The following TASP1 variants were observed in gnomAD, a reference collection of about 807,000 sequenced individuals.
The protein encoded by TASP1 is threonine aspartase 1.
Under a neutral mutation model 56.6 loss-of-function variants are expected in TASP1, and 16 were observed. The ratio of observed to expected loss-of-function variants is 0.28; its 90% CI spans 0.19 to 0.43. The LOEUF (loss-of-function observed/expected upper bound fraction) is 0.43. Among genes scored for constraint, TASP1 ranks in the 20% least tolerant of loss-of-function variants. The probability of loss-of-function intolerance (pLI) is 1.00; values close to 1 mark genes in which losing one functional copy is unlikely to be tolerated. For missense variants in TASP1, 393 were observed against 511.6 expected (o/e 0.77, Z 2.24); for synonymous variants, 179 against 184.2 (o/e 0.97, Z 0.23).
chr20:13,421,955 T>TCC (rs201009305), intron 12 of TASP1, among the ~76,000 whole-genome samples: 4 of 144,610 alleles, frequency 2.8e-5, no homozygotes, highest in Admixed American at 6.9e-5. Flanking sequence ...TGTTTAACCT[T>TCC]TTTTTTTTTT....
At chr20:13,428,707 A>C (rs2042699903) in intron 12 of TASP1, among the ~76,000 whole-genome samples, 1 of 152,300 alleles carries the variant, frequency 6.6e-6, no homozygotes, top group Non-Finnish European at 1.5e-5. Flanking sequence ...GGCTATTTGC[A>C]GAGACTTTCC....
chr20:13,625,492 G>T (rs890428094), intron 2 of TASP1, among the ~76,000 whole-genome samples: 2 of 152,142 alleles, frequency 1.3e-5, no homozygotes, highest in Non-Finnish European at 2.9e-5. Flanking sequence ...CCCCAAAGAG[G>T]CTTCACCAAG....
intron 8 of TASP1, 129 bp downstream of exon 8, chr20:13,558,876 CTGA>C (rs2046250346): frequency 4.5e-6 from 2 of 442,828 alleles, no homozygotes; most frequent in Non-Finnish European, 7.9e-6. Context: ...AATGTAGCTA[CTGA>C]AAAACTTTAA....
the TASP1 span, among the ~76,000 whole-genome samples, chr20:13,229,823 ACCAG>A: frequency 1.3e-5 from 2 of 152,110 alleles, no homozygotes; most frequent in Non-Finnish European, 2.9e-5. Context: ...TTTCATATCT[ACCAG>A]AAATCCCTCT....
the TASP1 span, among the ~76,000 whole-genome samples, chr20:13,290,262 T>C: frequency 6.7e-6 from 1 of 148,362 alleles, no homozygotes; most frequent in African/African-American, 2.5e-5. Flanking sequence ...AATAACAATA[T>C]GAGGAGGAGG....
At chr20:13,157,398 C>A in the TASP1 span, among the ~76,000 whole-genome samples, 1 of 152,002 alleles carries the variant, frequency 6.6e-6, no homozygotes, top group Non-Finnish European at 1.5e-5. Flanking sequence ...GATCATACCA[C>A]TGCACTCCAG....
chr20:13,264,916 T>C, the TASP1 span, among the ~76,000 whole-genome samples: 1 of 152,144 alleles, frequency 6.6e-6, no homozygotes, highest in Non-Finnish European at 1.5e-5. Context: ...CCCAGCACCA[T>C]GTAGCTTCAG....
intron 9 of TASP1, among the ~76,000 whole-genome samples, chr20:13,529,575 G>A (rs2045130344): frequency 6.6e-6 from 1 of 152,092 alleles, no homozygotes; most frequent in South Asian, 2.1e-4. Flanking sequence ...AAAAATAAAA[G>A]AATTAAGCTT....
intron 13 of TASP1, among the ~76,000 whole-genome samples, chr20:13,403,433 C>G (rs1443742556): frequency 6.6e-6 from 1 of 152,308 alleles, no homozygotes; most frequent in Non-Finnish European, 1.5e-5. Flanking sequence ...CTTCCACCAT[C>G]ACCTCCTTCC....
chr20:13,515,259 A>G (rs1289049825), intron 10 of TASP1, among the ~76,000 whole-genome samples: 1 of 152,124 alleles, frequency 6.6e-6, no homozygotes, highest in Non-Finnish European at 1.5e-5. Context: ...TAAACTATTC[A>G]TTAATGCTCA....
At chr20:13,197,840 A>G in the TASP1 span, among the ~76,000 whole-genome samples, 1 of 152,206 alleles carries the variant, frequency 6.6e-6, no homozygotes, top group Non-Finnish European at 1.5e-5. Context: ...GATTTATAAA[A>G]AGGCTTTAAA....
chr20:13,396,081 G>T (rs1265139577), intron 13 of TASP1, among the ~76,000 whole-genome samples: 6 of 152,122 alleles, frequency 3.9e-5, no homozygotes, highest in African/African-American at 1.4e-4. Flanking sequence ...AAGGGCTGGG[G>T]AAGTGTGTCT....
chr20:13,177,031 G>A, the TASP1 span, among the ~76,000 whole-genome samples: 1 of 152,272 alleles, frequency 6.6e-6, no homozygotes, highest in African/African-American at 2.4e-5. Flanking sequence ...CTTGAGGTCA[G>A]GAATTTGAGA....
the TASP1 span, among the ~76,000 whole-genome samples, chr20:13,308,900 G>A: frequency 6.6e-6 from 1 of 152,132 alleles, no homozygotes; most frequent in East Asian, 1.9e-4. Context: ...TTTCCACCAT[G>A]TAAGCACAAA....
At chr20:13,269,207 A>G in the TASP1 span, among the ~76,000 whole-genome samples, 4 of 152,316 alleles carry the variant, frequency 2.6e-5, no homozygotes, top group East Asian at 7.7e-4. Context: ...GTGAAATTCT[A>G]TCTCCTTGTC....
chr20:13,371,769 T>G, the TASP1 span, among the ~76,000 whole-genome samples: 16 of 152,198 alleles, frequency 1.1e-4, no homozygotes, highest in Non-Finnish European at 2.9e-5. Context: ...AATATTAATG[T>G]TGAATTGTCT....
chr20:13,454,063 A>G lies in TASP1; in HGVS notation c.986-18909T>C, dbSNP rs558972258. 9.1e-3 allele frequency among the ~76,000 whole-genome samples: 1,086 copies of G among 119,074 alleles called. 8 individuals are homozygous for G. The highest frequency in any genetic ancestry group is 0.013 in the Non-Finnish European group (767 of 59,992). The allele number at this position is 119,074 out of a possible 152,430, so 78.1% of individuals were successfully genotyped here. On this transcript the variant is annotated intron_variant, in intron 11 of 13. Transcript: ENST00000337743. ...GTAAAGAACCTAGGAATTGAGGGGG[A>G]AAAAAAAAAAAACAAGGAGGCCAGT...
chr20:13,136,176 G>T, the TASP1 span, among the ~76,000 whole-genome samples: 1 of 152,074 alleles, frequency 6.6e-6, no homozygotes, highest in Non-Finnish European at 1.5e-5. Context: ...GGAGTTTCTG[G>T]GTGGTAAGGC....
the TASP1 span, among the ~76,000 whole-genome samples, chr20:13,224,909 G>C: frequency 1.1e-3 from 161 of 144,066 alleles, 1 homozygote; most frequent in East Asian, 0.025. Flanking sequence ...GCAGTGGCGC[G>C]ATCTCTGCTC....
Sources: allele counts gnomAD v4.1 joint callset (sites outside exome capture counted in the v4.1 genomes callset), GRCh38; gene constraint gnomAD v4.1.1; transcripts MANE v1.5; gene names NCBI Gene and HGNC (gene_info 2026-07-23, HGNC 2026-07-21).